Variants in DKK3 observed in about 807,000 individuals in gnomAD.
The protein encoded by DKK3 is dickkopf Wnt signaling pathway inhibitor 3.
A neutral mutation model predicts 33.2 loss-of-function variants in DKK3; 22 were observed. The ratio of observed to expected loss-of-function variants is 0.66; its 90% CI spans 0.47 to 0.95. DKK3 has a LOEUF of 0.95. Among genes scored for constraint, DKK3 ranks in the 40% least tolerant of loss-of-function variants. The pLI is 0.00. For missense variants in DKK3, 398 were observed against 458.4 expected (o/e 0.87, Z 1.20); for synonymous variants, 194 against 188.8 (o/e 1.03, Z -0.23).
intron 3 of DKK3, among the ~76,000 whole-genome samples, chr11:11,969,332 G>C (rs1391212303): frequency 6.6e-6 from 1 of 152,174 alleles, no homozygotes; most frequent in African/African-American, 2.4e-5. Flanking sequence ...GAGGGAACAT[G>C]ATGACAGGAA....
At chr11:12,000,155 T>C (rs1848392640) in intron 2 of DKK3, among the ~76,000 whole-genome samples, 1 of 151,954 alleles carries the variant, frequency 6.6e-6, no homozygotes, top group African/African-American at 2.4e-5. Flanking sequence ...TTTTCTTCTA[T>C]GAAGCATTGC....
intron 3 of DKK3, among the ~76,000 whole-genome samples, chr11:11,982,035 A>AC (rs1265605798): frequency 1.1e-4 from 17 of 151,894 alleles, no homozygotes; most frequent in Admixed American, 1.1e-3. Context: ...GGAAAGCACC[A>AC]CCCCCATTCC....
At chr11:11,993,717 C>T (rs185757250) in intron 3 of DKK3, among the ~76,000 whole-genome samples, 235 of 152,208 alleles carry the variant, frequency 1.5e-3, no homozygotes, top group Non-Finnish European at 2.7e-3. Flanking sequence ...ACGAAGTCAA[C>T]GCAAAATATA....
chr11:11,967,963 T>C (rs2134993156), intron 4 of DKK3, among the ~76,000 whole-genome samples: 1 of 152,246 alleles, frequency 6.6e-6, no homozygotes, highest in Non-Finnish European at 1.5e-5. Flanking sequence ...TCTCTGTTTG[T>C]CTATTAGGAT....
chr11:11,977,305 C>G (rs1223516536), intron 3 of DKK3, among the ~76,000 whole-genome samples: 4 of 151,940 alleles, frequency 2.6e-5, no homozygotes, highest in African/African-American at 7.3e-5. Context: ...CCAATATATA[C>G]AGACAGCTCC....
chr11:12,007,222 A>G (rs1223226322), intron 1 of DKK3, among the ~76,000 whole-genome samples: 1 of 152,196 alleles, frequency 6.6e-6, no homozygotes, highest in Admixed American at 6.5e-5. Context: ...CCCCCTGGAG[A>G]CAAGGGCCAG....
Position 11,965,793 on chromosome 11 carries a change from G to C in DKK3, c.830+16C>G, listed in dbSNP as rs1292605834. The C allele has an allele frequency of 3.1e-6, 5 of 1,612,896 alleles. No individual in the cohort carries two copies. The highest frequency in any genetic ancestry group is 4.2e-6 in the Non-Finnish European group (5 of 1,179,706). ...CAGCCCTTGGCTCCCTGAGAGTGAG[G>C]GTTAGGGGGCCTCACCTGTGGGGCT... On this transcript the variant is annotated intron_variant, in intron 6 of 6. Transcript: ENST00000683431.
At chr11:11,976,730 G>A (rs112771213) in intron 3 of DKK3, among the ~76,000 whole-genome samples, 1 of 152,236 alleles carries the variant, frequency 6.6e-6, no homozygotes, top group African/African-American at 2.4e-5. Context: ...CTGGCACAAG[G>A]TGACTGGAGG....
chr11:11,965,751 G>A (rs1368824680), intron 6 of DKK3, 58 bp downstream of exon 6: 9 of 1,581,644 alleles, frequency 5.7e-6, no homozygotes, highest in South Asian at 4.6e-5. Flanking sequence ...CTACGCCCCT[G>A]CTGGATGGCA....
rs748902062 is a variant in DKK3 at position 11,966,934 on chromosome 11, T to C, written c.673+20A>G. The stretch of plus-strand genomic sequence containing the variant: ...AGCTTGGGACAGGGTTTTTCCTGCA[T>C]CTGAGGGGAGGCCACTCACCTCTCT... On this transcript the variant is annotated intron_variant, in intron 5 of 6. Transcript: ENST00000683431. 1 of 1,612,322 alleles carries C rather than the reference T, an allele frequency of 6.2e-7. No individual in the cohort carries two copies. Among genetic ancestry groups the C allele is most frequent in the South Asian group, 1.1e-5 (1 of 90,924 alleles).
chr11:11,976,965 C>G (rs954334326), intron 3 of DKK3, among the ~76,000 whole-genome samples: 3 of 152,156 alleles, frequency 2.0e-5, no homozygotes, highest in African/African-American at 7.2e-5. Context: ...GGTGGGGGCC[C>G]CAAACCTCAC....
chr11:11,985,851 G>A (rs529201993), intron 3 of DKK3, among the ~76,000 whole-genome samples: 5 of 152,342 alleles, frequency 3.3e-5, no homozygotes, highest in Non-Finnish European at 5.9e-5. Flanking sequence ...AAACCATGGG[G>A]ATGCGGGGAG....
At chr11:11,968,146 A>G (rs1847643043) in intron 4 of DKK3, among the ~76,000 whole-genome samples, 1 of 152,110 alleles carries the variant, frequency 6.6e-6, no homozygotes, top group Non-Finnish European at 1.5e-5. Flanking sequence ...TCAATGACAC[A>G]AACAACATGA....
In DKK3 at chr11:11,970,098, A is replaced by T. The variant is rs1229793762; in HGVS notation, c.436-1611T>A. ...AGGCTGCTCAGCCGGAAGCCTCCCGACGTTCTTTCCAAAGCAGAATGGCAA... is the reference window on the plus strand; with the variant it reads ...AGGCTGCTCAGCCGGAAGCCTCCCGTCGTTCTTTCCAAAGCAGAATGGCAA... On this transcript the variant is annotated intron_variant, in intron 3 of 6. Coordinates refer to ENST00000683431, the MANE Select transcript of DKK3 (RefSeq NM_001018057.2). 2.0e-5 allele frequency among the ~76,000 whole-genome samples: 3 copies of T among 152,122 alleles called. No individual in the cohort carries two copies. In the East Asian group the frequency reaches 5.8e-4, roughly 29 times the overall value.
intron 3 of DKK3, among the ~76,000 whole-genome samples, chr11:11,981,226 C>A (rs964183497): frequency 8.5e-5 from 13 of 152,210 alleles, no homozygotes; most frequent in African/African-American, 3.1e-4. Context: ...GGTGCCTGCC[C>A]TTTGAACCAA....
At chr11:12,009,062 AGCCCCCTCC>A, upstream of DKK3, 1 of 986,144 alleles carries the variant, frequency 1.0e-6, no homozygotes, top group Non-Finnish European at 1.2e-6. Flanking sequence ...AGCACAGGTC[AGCCCCCTCC>A]CCTTGGCGTC....
Position 11,982,596 on chromosome 11 carries a change from C to A in DKK3, c.436-14109G>T, listed in dbSNP as rs372714964. On this transcript the variant is annotated intron_variant, in intron 3 of 6. Coordinates refer to ENST00000683431, the MANE Select transcript of DKK3 (RefSeq NM_001018057.2). Reference sequence around the variant, plus strand: ...GCGGACCTCTCAGAGCTGACATCTGCCCCAGGCTAATAGTGTTCAGCCGTG... The same window carrying A: ...GCGGACCTCTCAGAGCTGACATCTGACCCAGGCTAATAGTGTTCAGCCGTG... Among the ~76,000 whole-genome samples, 4 of 152,298 alleles carry A rather than the reference C, an allele frequency of 2.6e-5. No individual in the cohort carries two copies. The South Asian group carries it at 8.3e-4, about 32-fold the overall frequency.
At chr11:11,975,560 T>C (rs151065726) in intron 3 of DKK3, among the ~76,000 whole-genome samples, 3 of 152,276 alleles carry the variant, frequency 2.0e-5, no homozygotes, top group African/African-American at 7.2e-5. Flanking sequence ...TGTGGGGCTG[T>C]TCCCAGAACC....
At chr11:11,993,601 G>A (rs1848230445) in intron 3 of DKK3, among the ~76,000 whole-genome samples, 1 of 152,172 alleles carries the variant, frequency 6.6e-6, no homozygotes, top group South Asian at 2.1e-4. Context: ...TTATTTATTT[G>A]GGAATTATTT....
Sources: gnomAD v4.1 joint callset for allele counts (sites outside exome capture counted in the v4.1 genomes callset) on GRCh38, gnomAD v4.1.1 for gene constraint, MANE v1.5 for transcripts, NCBI Gene and HGNC (gene_info 2026-07-23, HGNC 2026-07-21) for gene names.